The following ANKRD12 variants were observed in gnomAD, a reference collection of about 807,000 sequenced individuals.
ANKRD12 encodes the protein ankyrin repeat domain 12.
ANKRD12 carries 85 observed loss-of-function variants against 183.4 expected under a neutral mutation model. The ratio of observed to expected loss-of-function variants is 0.46; its 90% CI spans 0.39 to 0.56. ANKRD12 has a LOEUF of 0.56. ANKRD12 is among the 20% of genes least tolerant of loss of function. ANKRD12 has a pLI of 0.00. For synonymous variants in ANKRD12, 914 were observed against 800.2 expected (o/e 1.14, Z -2.40); for missense variants, 2,405 against 2,357.1 (o/e 1.02, Z -0.42).
rs144760058 is a variant in ANKRD12 at position 9,257,095 on chromosome 18, A to T, written c.3828A>T (p.Pro1276=). ...ACTTGCCGGAGCGGATTAAACCACCATATGCAAACAGACTTTCAACATCCC... is the reference window on the plus strand; with the variant it reads ...ACTTGCCGGAGCGGATTAAACCACCTTATGCAAACAGACTTTCAACATCCC... ...LADLPERIKP[P]YANRLSTSHL... is the part of the protein sequence containing the mutation. Residue 1276 remains proline (P), a synonymous_variant, in exon 9 of 13, where the codon CCA becomes CCT. Coordinates refer to ENST00000262126, the MANE Select transcript of ANKRD12 (RefSeq NM_015208.5). The T allele has an allele frequency of 1.9e-6, 3 of 1,614,146 alleles. No homozygotes were observed. The highest frequency in any genetic ancestry group is 2.2e-5 in the South Asian group (2 of 91,088).
intron 1 of ANKRD12, among the ~76,000 whole-genome samples, chr18:9,163,937 A>T (rs991007168): frequency 6.6e-6 from 1 of 152,142 alleles, no homozygotes; most frequent in African/African-American, 2.4e-5. Context: ...GGCCGAGACA[A>T]TGTGATTTTC....
At chr18:9,200,863 C>T (rs541563010) in intron 3 of ANKRD12, among the ~76,000 whole-genome samples, 9 of 152,302 alleles carry the variant, frequency 5.9e-5, no homozygotes, top group Admixed American at 5.2e-4. Flanking sequence ...TTCAGTAATG[C>T]CATCAGGCAC....
chr18:9,244,098 C>T lies in ANKRD12; in HGVS notation c.944-10113C>T, dbSNP rs148395972. The stretch of plus-strand genomic sequence containing the variant: ...ACAGTGAGCCGAGGTCGCACCACTG[C>T]GCTCCAACCTGGACAACAAGAGCGA... On this transcript the variant is annotated intron_variant, in intron 8 of 12. Coordinates refer to ENST00000262126, the MANE Select transcript of ANKRD12 (RefSeq NM_015208.5). Among the ~76,000 whole-genome samples the T allele has an allele frequency of 6.6e-3, 1,006 of 152,274 alleles. 7 individuals carry two copies. Among genetic ancestry groups the T allele is most frequent in the Middle Eastern group, 0.017 (5 of 294 alleles).
intron 1 of ANKRD12, among the ~76,000 whole-genome samples, chr18:9,176,964 T>C (rs1279272883): frequency 6.6e-6 from 1 of 152,222 alleles, no homozygotes; most frequent in Non-Finnish European, 1.5e-5. Flanking sequence ...AGTCAGTTGC[T>C]GTTCGATACA....
At chr18:9,230,855 A>T (rs1032905582) in intron 8 of ANKRD12, among the ~76,000 whole-genome samples, 3 of 150,786 alleles carry the variant, frequency 2.0e-5, no homozygotes, top group African/African-American at 7.3e-5. Flanking sequence ...TTTAGTAGAG[A>T]TGGGGTTTCA....
Position 9,157,577 on chromosome 18 carries a change from G to GTATATATATATA in ANKRD12, c.-52+20613_-52+20614insATATATATATAT, listed in dbSNP as rs1439951194. Among the ~76,000 whole-genome samples the GTATATATATATA allele has an allele frequency of 5.9e-4, 67 of 114,428 alleles. 1 individual carries two copies. Among genetic ancestry groups the GTATATATATATA allele is most frequent in the Non-Finnish European group, 9.0e-4 (52 of 57,956 alleles). The allele number at this position is 114,428 out of a possible 152,430, so 75.1% of individuals were successfully genotyped here. On this transcript the variant is annotated intron_variant, in intron 1 of 12. Coordinates refer to ENST00000262126, the MANE Select transcript of ANKRD12 (RefSeq NM_015208.5). ...TGTGTGTGTGTGTGTGTGTGTGTGT[G>GTATATATATATA]TGTGTGTGTATATATATATATATGT... is the stretch of plus-strand genomic sequence containing the variant.
intron 8 of ANKRD12, among the ~76,000 whole-genome samples, chr18:9,242,124 AT>A (rs1241461589): frequency 6.6e-6 from 1 of 152,096 alleles, no homozygotes; most frequent in Non-Finnish European, 1.5e-5. Context: ...ATGGCTGCAA[AT>A]TAATGTAAGT....
chr18:9,201,363 A>AGT (rs1403556511), intron 3 of ANKRD12, among the ~76,000 whole-genome samples: 1 of 152,228 alleles, frequency 6.6e-6, no homozygotes, highest in Non-Finnish European at 1.5e-5. Context: ...TTAATGTGAA[A>AGT]GTGTTAAACA....
chr18:9,154,399 G>A (rs2030067815), intron 1 of ANKRD12, among the ~76,000 whole-genome samples: 1 of 152,090 alleles, frequency 6.6e-6, no homozygotes, highest in Non-Finnish European at 1.5e-5. Flanking sequence ...GCTACAGAAC[G>A]AGATCCTGTC....
chr18:9,284,471 A>G lies in ANKRD12; in HGVS notation c.*3345A>G, dbSNP rs2040180711. ...GAAGAAATTGACTCTGTAAAACGCA[A>G]TGAAATAGTCCTCTTTTTAAACAGT... is the stretch of plus-strand genomic sequence containing the variant. On this transcript the variant is annotated 3_prime_UTR_variant, in exon 13 of 13. Coordinates refer to ENST00000262126, the MANE Select transcript of ANKRD12 (RefSeq NM_015208.5). The G allele has an allele frequency of 6.6e-6, 1 of 152,340 alleles. No homozygotes were observed. The highest frequency in any genetic ancestry group is 2.1e-4 in the South Asian group (1 of 4,826). The allele number at this position is 152,340 out of a possible 1,614,324, so 9.4% of individuals were successfully genotyped here.
Position 9,255,974 on chromosome 18 carries a change from A to C in ANKRD12, c.2707A>C (p.Ser903Arg). The C allele has an allele frequency of 6.4e-7, 1 of 1,574,208 alleles. No homozygotes were observed. Among genetic ancestry groups the C allele is most frequent in the South Asian group, 1.2e-5 (1 of 82,900 alleles). ...AIKKTDDREKSREKMDRKHDK... is the reference protein window; with the variant it reads ...AIKKTDDREKRREKMDRKHDK... Reference sequence around the variant, plus strand: ...TAAAAAAACTGACGACAGAGAGAAAAGTAGAGAAAAGATGGATAGGAAACA... The same window carrying C: ...TAAAAAAACTGACGACAGAGAGAAACGTAGAGAAAAGATGGATAGGAAACA... Residue 903 changes from serine (S) to arginine (R), a missense_variant, in exon 9 of 13, where the codon AGT becomes CGT. By Grantham distance (110) the Ser-to-Arg change is moderately radical. Coordinates refer to ENST00000262126, the MANE Select transcript of ANKRD12 (RefSeq NM_015208.5).
intron 1 of ANKRD12, among the ~76,000 whole-genome samples, chr18:9,151,255 G>A (rs1202536932): frequency 6.6e-6 from 1 of 152,222 alleles, no homozygotes. Flanking sequence ...AGGGAATTAA[G>A]CTGCTTGTTC....
intron 8 of ANKRD12, among the ~76,000 whole-genome samples, chr18:9,227,159 T>C (rs774556959): frequency 4.6e-4 from 70 of 152,118 alleles, no homozygotes; most frequent in South Asian, 1.2e-3. Flanking sequence ...TTTACACTCA[T>C]ATACTTTAGA....
At chr18:9,195,209 T>C (rs1160916631) in intron 2 of ANKRD12, among the ~76,000 whole-genome samples, 1 of 151,980 alleles carries the variant, frequency 6.6e-6, no homozygotes, top group Non-Finnish European at 1.5e-5. Flanking sequence ...AGGGAGAGGA[T>C]CAAAAAACTG....
chr18:9,157,585 G>GTGGGTGTATA (rs1472659778), intron 1 of ANKRD12, among the ~76,000 whole-genome samples: 2 of 92,706 alleles, frequency 2.2e-5, no homozygotes, highest in African/African-American at 1.1e-4. Flanking sequence ...GTGTGTGTGT[G>GTGGGTGTATA]TATATATATA....
At chr18:9,227,004 A>T (rs2144812402) in intron 8 of ANKRD12, among the ~76,000 whole-genome samples, 1 of 152,344 alleles carries the variant, frequency 6.6e-6, no homozygotes, top group South Asian at 2.1e-4. Flanking sequence ...GGACGTTATT[A>T]GATCATTTAA....
chr18:9,141,469 C>T (rs1404135780), intron 1 of ANKRD12, among the ~76,000 whole-genome samples: 2 of 152,068 alleles, frequency 1.3e-5, no homozygotes, highest in Admixed American at 6.5e-5. Context: ...GCTTAGAAAA[C>T]AGTATCCAAG....
intron 1 of ANKRD12, among the ~76,000 whole-genome samples, chr18:9,179,377 C>T (rs1382567429): frequency 6.6e-6 from 1 of 152,118 alleles, no homozygotes; most frequent in Non-Finnish European, 1.5e-5. Context: ...AAAGCATTCA[C>T]GTTCCCTTCT....
intron 2 of ANKRD12, among the ~76,000 whole-genome samples, chr18:9,192,506 G>GT (rs2034516308): frequency 6.6e-6 from 1 of 152,008 alleles, no homozygotes; most frequent in Non-Finnish European, 1.5e-5. Flanking sequence ...ATCTTGTGCT[G>GT]TTTTTTGGTA....
Sources: allele counts gnomAD v4.1 joint callset (sites outside exome capture counted in the v4.1 genomes callset), GRCh38; gene constraint gnomAD v4.1.1; transcripts MANE v1.5; gene names NCBI Gene and HGNC (gene_info 2026-07-23, HGNC 2026-07-21).